Variants in EPHA4 observed in about 807,000 individuals in gnomAD.
EPHA4 encodes the protein EPH receptor A4, also known as ephrin type-A receptor 4.
Under a neutral mutation model 108.3 loss-of-function variants are expected in EPHA4, and 19 were observed. That is an observed-to-expected ratio of 0.18 (90% CI 0.12 to 0.26). The LOEUF is 0.26. Ranked by LOEUF, EPHA4 falls within the 10% of genes least tolerant of loss-of-function variation. The pLI is 1.00. For missense variants in EPHA4, 917 were observed against 1,254.0 expected (o/e 0.73, Z 4.06); for synonymous variants, 449 against 455.5 (o/e 0.99, Z 0.18).
chr2:221,554,345 GCT>G (rs1485585446), intron 3 of EPHA4, among the ~76,000 whole-genome samples: 6 of 152,180 alleles, frequency 3.9e-5, no homozygotes, highest in African/African-American at 1.4e-4. Flanking sequence ...CCCATTTTCT[GCT>G]CTGTGAAATT....
chr2:221,524,639 G>A (rs1361229171), intron 3 of EPHA4, among the ~76,000 whole-genome samples: 1 of 152,214 alleles, frequency 6.6e-6, no homozygotes, highest in Admixed American at 6.5e-5. Context: ...TGACCTTTCA[G>A]AATTTACCAA....
At chr2:221,455,413 CAAG>C in intron 8 of EPHA4, 131 bp downstream of exon 8, 1 of 685,466 alleles carries the variant, frequency 1.5e-6, no homozygotes, top group Non-Finnish European at 2.5e-6. Flanking sequence ...ATCAAAGCAA[CAAG>C]GAGGAAACTT....
At chr2:221,475,320 T>C (rs1198688933) in intron 5 of EPHA4, among the ~76,000 whole-genome samples, 2 of 152,198 alleles carry the variant, frequency 1.3e-5, no homozygotes, top group Non-Finnish European at 2.9e-5. Context: ...GGGAAAAAAT[T>C]TGTGGTTCAA....
chr2:221,497,070 TA>T (rs10715256), intron 4 of EPHA4, among the ~76,000 whole-genome samples: 145,330 of 152,142 alleles, frequency 0.96, 69,468 homozygotes, highest in East Asian at 1. Context: ...CACGCAAGGG[TA>T]AAAAATCACT....
chr2:221,540,209 C>T (rs1366699347), intron 3 of EPHA4, among the ~76,000 whole-genome samples: 2 of 152,176 alleles, frequency 1.3e-5, no homozygotes, highest in African/African-American at 4.8e-5. Context: ...CAGGAGCCAC[C>T]GCGCCCAGCC....
upstream of EPHA4, chr2:221,572,918 T>G (rs978268168): frequency 6.6e-6 from 1 of 152,414 alleles, no homozygotes; most frequent in Non-Finnish European, 1.5e-5. Flanking sequence ...CCCAGATGCC[T>G]GGAGAGCGGG....
intron 8 of EPHA4, among the ~76,000 whole-genome samples, chr2:221,454,993 C>A (rs1690898738): frequency 6.6e-6 from 1 of 152,162 alleles, no homozygotes; most frequent in Non-Finnish European, 1.5e-5. Context: ...GTACCCATTT[C>A]TTTGCTTTAG....
chr2:221,487,119 T>C (rs1692000453), intron 4 of EPHA4, among the ~76,000 whole-genome samples: 2 of 140,736 alleles, frequency 1.4e-5, no homozygotes, highest in South Asian at 4.6e-4. Context: ...CTGGGAGAGA[T>C]TGTGAATCAT....
Position 221,548,349 on chromosome 2 carries a change from C to T in EPHA4, c.823+15382G>A, listed in dbSNP as rs186905603. On this transcript the variant is annotated intron_variant, in intron 3 of 17. Transcript: ENST00000281821. ...ACTGCACTCCAGCCTGGCGACAGAG[C>T]GAGAGTCCGTCTCAAAAAAAAAAAA... Among the ~76,000 whole-genome samples, 441 of 151,024 alleles carry T rather than the reference C, an allele frequency of 2.9e-3. 1 individual carries two copies. Among genetic ancestry groups the T allele is most frequent in the South Asian group, 6.7e-3 (32 of 4,744 alleles).
At chr2:221,456,523 C>G in intron 7 of EPHA4, 90 bp downstream of exon 7, 1 of 1,385,042 alleles carries the variant, frequency 7.2e-7, no homozygotes, top group Non-Finnish European at 9.8e-7. Context: ...CCAAAAATTA[C>G]AGACAACTCC....
At chr2:221,517,550 C>A (rs755826224) in intron 3 of EPHA4, among the ~76,000 whole-genome samples, 4 of 152,028 alleles carry the variant, frequency 2.6e-5, no homozygotes, top group Non-Finnish European at 4.4e-5. Flanking sequence ...CCACCTGGAC[C>A]AGGGTGGAGG....
chr2:221,455,003 G>A (rs925050945), intron 8 of EPHA4, among the ~76,000 whole-genome samples: 6 of 152,138 alleles, frequency 3.9e-5, no homozygotes, highest in Non-Finnish European at 8.8e-5. Flanking sequence ...CTTTGCTTTA[G>A]TGACCATTAC....
chr2:221,458,969 T>C (rs1691050630), intron 5 of EPHA4, among the ~76,000 whole-genome samples: 1 of 152,176 alleles, frequency 6.6e-6, no homozygotes, highest in African/African-American at 2.4e-5. Context: ...GGGAAACAAA[T>C]GTCAAAAACT....
chr2:221,479,366 AT>A (rs1319908723), intron 5 of EPHA4, among the ~76,000 whole-genome samples: 1 of 152,136 alleles, frequency 6.6e-6, no homozygotes, highest in African/African-American at 2.4e-5. Flanking sequence ...TGCGTGATTG[AT>A]TTGATTTATC....
chr2:221,454,228 T>C (rs1690872663), intron 8 of EPHA4, among the ~76,000 whole-genome samples: 1 of 151,760 alleles, frequency 6.6e-6, no homozygotes, highest in African/African-American at 2.4e-5. Flanking sequence ...ACTGGGACCA[T>C]CCAGGCAAAC....
intron 3 of EPHA4, among the ~76,000 whole-genome samples, chr2:221,537,114 A>T (rs1019504764): frequency 6.6e-6 from 1 of 152,172 alleles, no homozygotes; most frequent in Non-Finnish European, 1.5e-5. Context: ...TTTCAATAAC[A>T]ACTGTGTGTC....
At position 221,517,842 on chromosome 2, in the gene EPHA4, G is replaced by C. The variant is rs1176501161; in HGVS notation, c.824-16670C>G. ...GCTTGGCCACCAGGCCCTGGGTCCT[G>C]ACCACTTGCAAGTGGGCCACACCTT... is the stretch of plus-strand genomic sequence containing the variant. On this transcript the variant is annotated intron_variant, in intron 3 of 17. Coordinates refer to ENST00000281821, the MANE Select transcript of EPHA4 (RefSeq NM_004438.5). Among the ~76,000 whole-genome samples the C allele has an allele frequency of 4.6e-5, 7 of 152,156 alleles. No homozygotes were observed. In the South Asian group the frequency reaches 1.4e-3, roughly 31 times the overall value.
intron 3 of EPHA4, among the ~76,000 whole-genome samples, chr2:221,558,806 T>C (rs1331815817): frequency 1.3e-5 from 2 of 152,118 alleles, no homozygotes; most frequent in African/African-American, 2.4e-5. Context: ...TGCTCTCTTA[T>C]AGATAAAGAA....
At chr2:221,535,200 T>C (rs956179457) in intron 3 of EPHA4, among the ~76,000 whole-genome samples, 3 of 152,258 alleles carry the variant, frequency 2.0e-5, no homozygotes, top group African/African-American at 7.2e-5. Context: ...TCCAAAATGC[T>C]GTTCCTCAAC....
Sources: allele counts gnomAD v4.1 joint callset (sites outside exome capture counted in the v4.1 genomes callset), GRCh38; gene constraint gnomAD v4.1.1; transcripts MANE v1.5; gene names NCBI Gene and HGNC (gene_info 2026-07-23, HGNC 2026-07-21).